Variants in COG2 observed in about 807,000 individuals in gnomAD.
COG2 encodes component of oligomeric golgi complex 2, also known as conserved oligomeric Golgi complex subunit 2.
COG2 carries 52 observed loss-of-function variants against 90.6 expected under a neutral mutation model. The observed-to-expected ratio is 0.57, with a 90% CI of 0.46 to 0.72. The LOEUF is 0.72. COG2 is among the 30% of genes least tolerant of loss of function. The probability of loss-of-function intolerance (pLI) is 0.00; values close to 1 mark genes in which losing one functional copy is unlikely to be tolerated. For synonymous variants in COG2, 337 were observed against 320.4 expected (o/e 1.05, Z -0.55); for missense variants, 829 against 891.2 (o/e 0.93, Z 0.89).
intron 9 of COG2, among the ~76,000 whole-genome samples, chr1:230,676,844 G>T (rs1358348019): frequency 6.6e-6 from 1 of 152,096 alleles, no homozygotes; most frequent in African/African-American, 2.4e-5. Context: ...TGTCTTTTGA[G>T]TTGCATTATT....
In COG2 at chr1:230,678,145, G is replaced by T. The variant is rs928201671; in HGVS notation, c.1027-768G>T. On this transcript the variant is annotated intron_variant, in intron 9 of 17. Coordinates refer to ENST00000366669, the MANE Select transcript of COG2 (RefSeq NM_007357.3). ...TAAAAAATTCAACAGTGTTCTTAGA[G>T]CCTGGGGGCTTCGGGAATAAAGTAC... 6.1e-6 allele frequency: 6 copies of T among 985,430 alleles called. No homozygotes were observed. In the African/African-American group the frequency reaches 1.0e-4, roughly 17 times the overall value. The allele number at this position is 985,430 out of a possible 1,614,324, so 61.0% of individuals were successfully genotyped here.
intron 13 of COG2, 143 bp downstream of exon 13, chr1:230,687,275 C>T: frequency 3.4e-6 from 2 of 580,404 alleles, no homozygotes; most frequent in Non-Finnish European, 5.8e-6. Flanking sequence ...ACCTCTCACT[C>T]ACCTCCCTTT....
At chr1:230,656,820 A>G (rs1211510247) in intron 1 of COG2, among the ~76,000 whole-genome samples, 2 of 152,128 alleles carry the variant, frequency 1.3e-5, no homozygotes, top group East Asian at 3.9e-4. Context: ...TCCCTTTACC[A>G]TTATGTAATG....
At chr1:230,679,126 C>G (rs1396667484) in intron 10 of COG2, 74 bp downstream of exon 10, 1 of 1,427,590 alleles carries the variant, frequency 7.0e-7, no homozygotes, top group Non-Finnish European at 9.5e-7. Context: ...AGGATGTTGC[C>G]TCAGTTAGCG....
intron 1 of COG2, among the ~76,000 whole-genome samples, chr1:230,647,185 A>G (rs1199947749): frequency 6.6e-6 from 1 of 152,190 alleles, no homozygotes; most frequent in African/African-American, 2.4e-5. Flanking sequence ...AGCTTATTGC[A>G]CTGATGGACA....
At chr1:230,674,104 GT>G in intron 8 of COG2, among the ~76,000 whole-genome samples, 1 of 152,300 alleles carries the variant, frequency 6.6e-6, no homozygotes, top group East Asian at 1.9e-4. Flanking sequence ...TAGAATGGAT[GT>G]TTATGGATCT....
rs763781975 is a variant in COG2 at position 230,668,755 on chromosome 1, G to A, written c.565G>A (p.Gly189Ser). The change falls in exon 6 of 18, where the codon GGC becomes AGC. Residue 189 changes from glycine to serine, a missense_variant. Gly to Ser is a moderately conservative substitution (Grantham distance 56). Transcript: ENST00000366669. ...ACAGTTTCATGCTGTTCAAAGCAAA[G>A]GCATGCCTCTTTTGGACAAAGTAAG... is the stretch of plus-strand genomic sequence containing the variant. ...QLQFHAVQSKGMPLLDKVRPR... is the reference protein window; with the variant it reads ...QLQFHAVQSKSMPLLDKVRPR... 3.7e-6 allele frequency: 6 copies of A among 1,611,054 alleles called. No individual in the cohort carries two copies. The highest frequency in any genetic ancestry group is 5.1e-6 in the Non-Finnish European group (6 of 1,178,234).
intron 5 of COG2, 126 bp from the exon 6 acceptor site, chr1:230,668,550 A>G (rs1020491351): frequency 3.3e-6 from 2 of 614,700 alleles, no homozygotes; most frequent in Non-Finnish European, 5.7e-6. Flanking sequence ...AGGTGGCCAC[A>G]TAAAACACTC....
At chr1:230,642,770 C>A in intron 1 of COG2, 92 bp downstream of exon 1, 1 of 1,248,154 alleles carries the variant, frequency 8.0e-7, no homozygotes, top group Non-Finnish European at 1.1e-6. Context: ...CTGCTCCTGC[C>A]TGCGCACGCT....
chr1:230,642,482 T>G lies in COG2; in HGVS notation c.-125T>G. 10 of 855,268 alleles carry G rather than the reference T, an allele frequency of 1.2e-5. No homozygotes were observed. Among genetic ancestry groups the G allele is most frequent in the South Asian group, 1.8e-5 (1 of 54,304 alleles). 53.0% of individuals were successfully genotyped at this position (855,268 alleles called of 1,614,324 possible). ...ATTGGCCGCGGCGCGGGCGCTGCCA[T>G]GTTGGCGGAAGCGGACCCCCCTGTG... On this transcript the variant is annotated 5_prime_UTR_variant, in exon 1 of 18. It removes an upstream start codon present in the reference 5' UTR. Transcript: ENST00000366669.
intron 11 of COG2, chr1:230,684,202 C>T (rs1662829228): frequency 6.6e-6 from 1 of 152,356 alleles, no homozygotes. Context: ...ACCTCATTTT[C>T]ATTCCTGAAT....
At chr1:230,671,739 G>A in intron 8 of COG2, 99 bp downstream of exon 8, 1 of 1,081,940 alleles carries the variant, frequency 9.2e-7, no homozygotes, top group Non-Finnish European at 1.4e-6. Flanking sequence ...TGTATGAACT[G>A]TCTTGTATGA....
At chr1:230,686,611 A>AT (rs1189160584) in intron 12 of COG2, among the ~76,000 whole-genome samples, 1 of 152,118 alleles carries the variant, frequency 6.6e-6, no homozygotes, top group African/African-American at 2.4e-5. Context: ...AATATAATTG[A>AT]TTTTTTTAAA....
intron 5 of COG2, among the ~76,000 whole-genome samples, chr1:230,665,804 G>C (rs1377878480): frequency 6.6e-6 from 1 of 152,110 alleles, no homozygotes; most frequent in African/African-American, 2.4e-5. Flanking sequence ...TCCACTAACT[G>C]CTCTGCTTCT....
At chr1:230,643,291 G>C (rs981554161) in intron 1 of COG2, among the ~76,000 whole-genome samples, 1 of 152,182 alleles carries the variant, frequency 6.6e-6, no homozygotes, top group East Asian at 1.9e-4. Context: ...TTAGAGAAAA[G>C]AAATATAAAC....
chr1:230,690,527 C>T (rs980278809), intron 16 of COG2, among the ~76,000 whole-genome samples: 1 of 152,218 alleles, frequency 6.6e-6, no homozygotes, highest in Non-Finnish European at 1.5e-5. Context: ...AACAGATACT[C>T]AAAGGACTTA....
At chr1:230,647,857 ACT>A (rs78164745) in intron 1 of COG2, among the ~76,000 whole-genome samples, 64,758 of 151,778 alleles carry the variant, frequency 0.43, 14,092 homozygotes, top group East Asian at 0.64. Context: ...TTTTTTAAAG[ACT>A]CTTTTCAATT....
chr1:230,647,993 A>T (rs1661831592), intron 1 of COG2, among the ~76,000 whole-genome samples: 1 of 152,230 alleles, frequency 6.6e-6, no homozygotes, highest in Non-Finnish European at 1.5e-5. Flanking sequence ...CCAGAGTCAC[A>T]CAGCTAACTG....
chr1:230,693,242 A>T, intron 17 of COG2, 50 bp from the exon 18 acceptor site: 1 of 1,080,566 alleles, frequency 9.3e-7, no homozygotes, highest in Non-Finnish European at 1.4e-6. Flanking sequence ...TTCCCCCCCC[A>T]TATTCAGCTT....
Sources: allele counts gnomAD v4.1 joint callset (sites outside exome capture counted in the v4.1 genomes callset), GRCh38; gene constraint gnomAD v4.1.1; transcripts MANE v1.5; gene names NCBI Gene and HGNC (gene_info 2026-07-23, HGNC 2026-07-21).